The following GFRA2 variants were observed in gnomAD, a reference collection of about 807,000 sequenced individuals.
GFRA2 encodes the protein GDNF family receptor alpha-2.
GFRA2 carries 17 observed loss-of-function variants against 48.3 expected under a neutral mutation model. The observed-to-expected ratio is 0.35, with a 90% CI of 0.24 to 0.53. The LOEUF is 0.53. Ranked by LOEUF, GFRA2 falls within the 20% of genes least tolerant of loss-of-function variation. The pLI, the probability that GFRA2 is intolerant of heterozygous loss-of-function variation, is 0.93. For missense variants in GFRA2, 660 were observed against 637.3 expected (o/e 1.04, Z -0.38); for synonymous variants, 305 against 257.2 (o/e 1.19, Z -1.78).
intron 4 of GFRA2, among the ~76,000 whole-genome samples, chr8:21,737,537 C>T (rs982633363): frequency 6.6e-6 from 1 of 152,150 alleles, no homozygotes; most frequent in African/African-American, 2.4e-5. Flanking sequence ...GAGCCCCTGC[C>T]TGTTCAGTGT....
intron 4 of GFRA2, among the ~76,000 whole-genome samples, chr8:21,733,840 T>C (rs1804318846): frequency 6.6e-6 from 1 of 152,214 alleles, no homozygotes; most frequent in South Asian, 2.1e-4. Context: ...GATGATTGTC[T>C]GGCAGAGACT....
intron 4 of GFRA2, among the ~76,000 whole-genome samples, chr8:21,743,099 TCGGGGACC>T (rs1804834576): frequency 6.6e-6 from 1 of 152,186 alleles, no homozygotes; most frequent in Non-Finnish European, 1.5e-5. Context: ...GGAGGGTCAC[TCGGGGACC>T]CTTGGCCCAG....
chr8:21,719,582 A>G (rs1454380311), intron 4 of GFRA2, among the ~76,000 whole-genome samples: 3 of 152,254 alleles, frequency 2.0e-5, no homozygotes, highest in African/African-American at 7.2e-5. Flanking sequence ...TTGCTGTCAC[A>G]TTAAGTCAAT....
chr8:21,756,420 GCCTGGGC>G (rs1805571973), intron 3 of GFRA2, among the ~76,000 whole-genome samples: 2 of 152,212 alleles, frequency 1.3e-5, no homozygotes, highest in Admixed American at 6.5e-5. Flanking sequence ...CCAGGAGCGG[GCCTGGGC>G]TCTGAGGCTC....
At chr8:21,711,464 C>T (rs1041012053) in intron 4 of GFRA2, among the ~76,000 whole-genome samples, 1 of 152,184 alleles carries the variant, frequency 6.6e-6, no homozygotes, top group Non-Finnish European at 1.5e-5. Flanking sequence ...AACACAAACC[C>T]TCTCTGGGCG....
At chr8:21,746,980 G>A (rs1485246652) in intron 4 of GFRA2, among the ~76,000 whole-genome samples, 2 of 151,930 alleles carry the variant, frequency 1.3e-5, no homozygotes, top group African/African-American at 4.8e-5. Context: ...AATAAAATGG[G>A]TGCCCTGTCC....
chr8:21,804,033 T>C (rs911502709), intron 2 of GFRA2, among the ~76,000 whole-genome samples: 2 of 152,160 alleles, frequency 1.3e-5, no homozygotes, highest in African/African-American at 4.8e-5. Flanking sequence ...TATATGAAGA[T>C]AATAAAGAAC....
chr8:21,780,527 G>A (rs920141989), intron 2 of GFRA2, among the ~76,000 whole-genome samples: 28 of 152,152 alleles, frequency 1.8e-4, no homozygotes, highest in Non-Finnish European at 3.8e-4. Flanking sequence ...ACACCCCCTT[G>A]GCCCTGGTTT....
At chr8:21,809,490 A>G (rs75482864) in intron 1 of GFRA2, among the ~76,000 whole-genome samples, 2 of 150,280 alleles carry the variant, frequency 1.3e-5, no homozygotes, top group Non-Finnish European at 3.0e-5. Context: ...ATGCCCAGCT[A>G]TTTTTTTTTT....
intron 6 of GFRA2, 40 bp downstream of exon 6, chr8:21,704,945 G>C (rs766728639): frequency 1.3e-6 from 2 of 1,511,440 alleles, no homozygotes; most frequent in Admixed American, 1.7e-5. Flanking sequence ...AGGAGGGGTG[G>C]GAGGGGCTGC....
intron 2 of GFRA2, among the ~76,000 whole-genome samples, chr8:21,800,639 AG>A (rs1212850586): frequency 1.3e-5 from 2 of 152,216 alleles, no homozygotes. Flanking sequence ...AGAGTTCAAC[AG>A]GGGGCCAGCC....
intron 3 of GFRA2, among the ~76,000 whole-genome samples, chr8:21,772,360 G>A (rs1806478775): frequency 1.3e-5 from 2 of 152,198 alleles, no homozygotes; most frequent in Non-Finnish European, 2.9e-5. Context: ...CTGGAGTGCA[G>A]TGGTGTCATT....
Position 21,705,919 on chromosome 8 carries a change from AG to A in GFRA2, c.904+12del, listed in dbSNP as rs1351299757. ...AAGGACCCACAGAGCCCAGGTGAGC[AG>A]GAAGAGCTTACCAATCATGCCAGCA... On this transcript the variant is annotated intron_variant, in intron 5 of 8. Transcript: ENST00000524240. 4.0e-6 allele frequency: 6 copies of A among 1,510,894 alleles called. No homozygotes were observed. Among genetic ancestry groups the A allele is most frequent in the Non-Finnish European group, 5.4e-6 (6 of 1,109,020 alleles). The allele number at this position is 1,510,894 out of a possible 1,614,324, so 93.6% of individuals were successfully genotyped here. A position where few individuals can be genotyped will look rare whatever the true frequency, so the allele number is the denominator to read the frequency against.
intron 2 of GFRA2, among the ~76,000 whole-genome samples, chr8:21,804,857 C>T (rs1807831648): frequency 6.6e-6 from 1 of 152,154 alleles, no homozygotes. Flanking sequence ...GCCCTTTCTC[C>T]CCTGCTCCAG....
intron 4 of GFRA2, among the ~76,000 whole-genome samples, chr8:21,741,137 T>C (rs993012150): frequency 2.0e-5 from 3 of 152,206 alleles, no homozygotes; most frequent in Non-Finnish European, 2.9e-5. Context: ...CAGAAGCTCC[T>C]TTCCAACTGT....
chr8:21,724,342 G>T (rs187781676), intron 4 of GFRA2, among the ~76,000 whole-genome samples: 4 of 152,098 alleles, frequency 2.6e-5, no homozygotes, highest in Non-Finnish European at 5.9e-5. Flanking sequence ...GGGTTGGTGC[G>T]GGGCTGTTGA....
intron 4 of GFRA2, among the ~76,000 whole-genome samples, chr8:21,720,030 C>A (rs546368138): frequency 1.3e-5 from 2 of 152,354 alleles, no homozygotes; most frequent in African/African-American, 4.8e-5. Flanking sequence ...AATTCTGTTA[C>A]TCCCAACATT....
At chr8:21,781,377 AC>A (rs749516641) in intron 2 of GFRA2, among the ~76,000 whole-genome samples, 25 of 151,932 alleles carry the variant, frequency 1.6e-4, no homozygotes, top group Non-Finnish European at 1.5e-5. Flanking sequence ...ACTCTAAGCC[AC>A]TTGCAGCTCT....
chr8:21,746,146 A>T (rs1309138199), intron 4 of GFRA2, among the ~76,000 whole-genome samples: 1 of 152,166 alleles, frequency 6.6e-6, no homozygotes, highest in Non-Finnish European at 1.5e-5. Context: ...GCCCCAGGCA[A>T]GTGAAGAGTA....
Sources: allele counts gnomAD v4.1 joint callset (sites outside exome capture counted in the v4.1 genomes callset), GRCh38; gene constraint gnomAD v4.1.1; transcripts MANE v1.5; gene names NCBI Gene and HGNC (gene_info 2026-07-23, HGNC 2026-07-21).